Variants in FREM1 observed in about 807,000 individuals in gnomAD.
FREM1 encodes the protein FRAS1 related extracellular matrix 1.
In FREM1, 220 loss-of-function variants were observed where a neutral mutation model predicts 210.1. The ratio of observed to expected loss-of-function variants is 1.05; its 90% CI spans 0.94 to 1.17. The LOEUF is 1.17. FREM1 is among the 50% of genes most tolerant of loss of function. FREM1 has a pLI of 0.00. For missense variants in FREM1, 3,454 were observed against 2,675.5 expected (o/e 1.29, Z -6.42); for synonymous variants, 1,189 against 980.2 (o/e 1.21, Z -3.98).
chr9:14,777,653 T>C (rs1190548220), intron 24 of FREM1, among the ~76,000 whole-genome samples: 2 of 42,350 alleles, frequency 4.7e-5, no homozygotes, highest in East Asian at 8.2e-4. Flanking sequence ...TTGGAAGTTC[T>C]TTTTTAACTA....
chr9:14,903,328 T>C (rs1839113168), intron 1 of FREM1, among the ~76,000 whole-genome samples: 1 of 152,136 alleles, frequency 6.6e-6, no homozygotes, highest in African/African-American at 2.4e-5. Flanking sequence ...TTATGAAGAA[T>C]GACTGATGAG....
intron 27 of FREM1, among the ~76,000 whole-genome samples, chr9:14,765,188 T>C (rs374676625): frequency 4.6e-5 from 7 of 152,364 alleles, no homozygotes; most frequent in African/African-American, 1.7e-4. Flanking sequence ...CTAAGACTTC[T>C]CAATTCATAG....
intron 1 of FREM1, among the ~76,000 whole-genome samples, chr9:14,908,543 G>C (rs968085849): frequency 2.0e-4 from 30 of 151,866 alleles, no homozygotes; most frequent in Non-Finnish European, 1.5e-4. Context: ...GAGATGAAAA[G>C]GGAAGCAAGA....
chr9:14,759,922 G>C lies in FREM1; in HGVS notation c.5205-21C>G, dbSNP rs1374461555. 4.4e-6 allele frequency: 7 copies of C among 1,597,834 alleles called. No individual in the cohort carries two copies. The Admixed American group carries it at 8.5e-5, about 19-fold the overall frequency. ...CCAAACTGTGTGTGAAAGGAAAAGA[G>C]AAATCATGAGAATGCATAGTATATG... On this transcript the variant is annotated intron_variant, in intron 27 of 36. Transcript: ENST00000380880.
intron 24 of FREM1, chr9:14,779,598 C>G (rs10117526): frequency 8.9e-4 from 377 of 424,732 alleles, no homozygotes; most frequent in Non-Finnish European, 1.1e-3. Flanking sequence ...CTACTCGATG[C>G]GTGCATGGCC....
At position 14,842,763 on chromosome 9, in the gene FREM1, A is replaced by G. The variant is rs1588307183; in HGVS notation, c.1394-103T>C. ...GTAGAGGCTGCTAAGGAAAGTGTGC[A>G]GCCCGTATTTCCCTCACCTGGAAAA... On this transcript the variant is annotated intron_variant, in intron 8 of 36. Transcript: ENST00000380880. 8.9e-6 allele frequency: 7 copies of G among 789,226 alleles called. No individual in the cohort carries two copies. The East Asian group carries it at 1.8e-4, about 20-fold the overall frequency. 48.9% of individuals were successfully genotyped at this position (789,226 alleles called of 1,614,324 possible). A position where few individuals can be genotyped will look rare whatever the true frequency, so the allele number is the denominator to read the frequency against.
intron 35 of FREM1, among the ~76,000 whole-genome samples, chr9:14,745,311 C>T (rs950142040): frequency 1.4e-4 from 21 of 152,194 alleles, no homozygotes; most frequent in African/African-American, 5.1e-4. Context: ...CATATTTATA[C>T]TTCAAACTAT....
chr9:14,865,775 C>T (rs140939412), intron 2 of FREM1, among the ~76,000 whole-genome samples: 8 of 151,650 alleles, frequency 5.3e-5, no homozygotes, highest in Admixed American at 6.6e-5. Context: ...AACCAGCCTG[C>T]GTTAAAAACC....
At chr9:14,860,737 A>ATGCACATATATG (rs1491566949) in intron 3 of FREM1, among the ~76,000 whole-genome samples, 5 of 117,318 alleles carry the variant, frequency 4.3e-5, no homozygotes, top group African/African-American at 1.4e-4. Flanking sequence ...ACACATATAT[A>ATGCACATATATG]CACATATATA....
chr9:14,779,931 G>C (rs1171222726), intron 24 of FREM1, among the ~76,000 whole-genome samples: 1 of 152,148 alleles, frequency 6.6e-6, no homozygotes. Context: ...CTCACAGGCA[G>C]AGAGACATCA....
intron 24 of FREM1, among the ~76,000 whole-genome samples, chr9:14,782,534 A>G (rs1364201490): frequency 6.6e-6 from 1 of 152,196 alleles, no homozygotes; most frequent in Non-Finnish European, 1.5e-5. Context: ...TGCATGTAAA[A>G]TTAAAAGCCC....
chr9:14,860,912 C>CGT (rs1490687816), intron 3 of FREM1, among the ~76,000 whole-genome samples: 1 of 76,118 alleles, frequency 1.3e-5, no homozygotes, highest in Admixed American at 1.4e-4. Context: ...CACATATACA[C>CGT]ATATACACAT....
At chr9:14,793,893 G>A (rs771834955) in intron 21 of FREM1, among the ~76,000 whole-genome samples, 1 of 152,146 alleles carries the variant, frequency 6.6e-6, no homozygotes, top group Non-Finnish European at 1.5e-5. Context: ...AGTGGGTGGT[G>A]ACATTTGCAC....
At chr9:14,760,889 CA>C (rs1845377170) in intron 27 of FREM1, among the ~76,000 whole-genome samples, 1 of 89,370 alleles carries the variant, frequency 1.1e-5, no homozygotes, top group African/African-American at 4.4e-5. Flanking sequence ...TACTATAGAG[CA>C]GGATAAAAGA....
chr9:14,792,272 G>GCACACACACACACACGCACACA (rs1851518800), intron 22 of FREM1, among the ~76,000 whole-genome samples: 19 of 142,244 alleles, frequency 1.3e-4, no homozygotes, highest in African/African-American at 5.1e-4. Context: ...ACACACACAC[G>GCACACACACACACACGCACACA]CACACACACA....
chr9:14,820,574 T>A (rs1236712663), intron 13 of FREM1, among the ~76,000 whole-genome samples: 1 of 152,226 alleles, frequency 6.6e-6, no homozygotes, highest in East Asian at 1.9e-4. Flanking sequence ...TGTGTCCTTC[T>A]GGACACCACG....
intron 10 of FREM1, among the ~76,000 whole-genome samples, chr9:14,830,354 G>A (rs908472609): frequency 6.6e-6 from 1 of 152,084 alleles, no homozygotes; most frequent in African/African-American, 2.4e-5. Context: ...GGAGGGACAC[G>A]GGGGAAGGCA....
chr9:14,883,951 C>T (rs1375557715), intron 1 of FREM1, among the ~76,000 whole-genome samples: 1 of 152,190 alleles, frequency 6.6e-6, no homozygotes, highest in Non-Finnish European at 1.5e-5. Context: ...CCACCTCGGA[C>T]TTGATTCAAA....
At chr9:14,816,745 G>C (rs369076421) in intron 15 of FREM1, 33 bp downstream of exon 15, 1 of 1,200,654 alleles carries the variant, frequency 8.3e-7, no homozygotes, top group Non-Finnish European at 1.1e-6. Flanking sequence ...AACAGACTAA[G>C]ACAATAACCC....
Sources: gnomAD v4.1 joint callset for allele counts (sites outside exome capture counted in the v4.1 genomes callset) on GRCh38, gnomAD v4.1.1 for gene constraint, MANE v1.5 for transcripts, NCBI Gene and HGNC (gene_info 2026-07-23, HGNC 2026-07-21) for gene names.